Variants in ARHGAP35 observed in about 807,000 individuals in gnomAD.
ARHGAP35 encodes the protein rho GTPase-activating protein 35.
A neutral mutation model predicts 111.1 loss-of-function variants in ARHGAP35; 15 were observed. The observed-to-expected ratio is 0.13, with a 90% CI of 0.09 to 0.21. The LOEUF is 0.21. Ranked by LOEUF, ARHGAP35 falls within the 10% of genes least tolerant of loss-of-function variation. ARHGAP35 has a pLI of 1.00. For synonymous variants in ARHGAP35, 643 were observed against 710.3 expected, an observed-to-expected ratio of 0.91 and a Z score of 1.51; for missense variants, 1,262 against 1,873.0, an observed-to-expected ratio of 0.67 and a Z score of 6.02.
At chr19:46,880,326 G>A (rs1180625979) in intron 1 of ARHGAP35, among the ~76,000 whole-genome samples, 1 of 152,038 alleles carries the variant, frequency 6.6e-6, no homozygotes, top group African/African-American at 2.4e-5. Flanking sequence ...CAGCTACTCG[G>A]GAGGCTGAGG....
intron 1 of ARHGAP35, among the ~76,000 whole-genome samples, chr19:46,865,498 G>C (rs1319572231): frequency 6.6e-6 from 1 of 152,188 alleles, no homozygotes; most frequent in Non-Finnish European, 1.5e-5. Flanking sequence ...GTTGAAAGAA[G>C]TTGTCGGTGT....
chr19:46,914,313 T>C (rs1411765425), intron 1 of ARHGAP35, among the ~76,000 whole-genome samples: 1 of 152,126 alleles, frequency 6.6e-6, no homozygotes, highest in East Asian at 1.9e-4. Context: ...GGTTTAAAAA[T>C]AACAGTCGTG....
At chr19:46,916,467 A>G (rs2056164525) in intron 1 of ARHGAP35, among the ~76,000 whole-genome samples, 1 of 152,072 alleles carries the variant, frequency 6.6e-6, no homozygotes, top group Non-Finnish European at 1.5e-5. Flanking sequence ...CGAATCTGAA[A>G]GGCTGGGCTT....
Position 47,000,709 on chromosome 19 carries a change from C to T in ARHGAP35, c.*21C>T. On this transcript the variant is annotated 3_prime_UTR_variant, in exon 7 of 7. Coordinates refer to ENST00000672722, the MANE Select transcript of ARHGAP35 (RefSeq NM_004491.5). The surrounding 1 kb of genome is among the most constrained non-coding windows in gnomAD (Gnocchi z 6.9). ...TGTGAGCCACCAAGACCTGGGGCGA[C>T]AGGAGAACCGGTCCTCTCTCTGACG... is the stretch of plus-strand genomic sequence containing the variant. 1 of 1,547,042 alleles carries T rather than the reference C, an allele frequency of 6.5e-7. No individual in the cohort carries two copies. Among genetic ancestry groups the T allele is most frequent in the Non-Finnish European group, 8.7e-7 (1 of 1,145,686 alleles).
At chr19:46,885,158 CCTT>C (rs1242207030) in intron 1 of ARHGAP35, among the ~76,000 whole-genome samples, 4 of 152,156 alleles carry the variant, frequency 2.6e-5, no homozygotes, top group East Asian at 1.9e-4. Context: ...GAAAAGCGCC[CCTT>C]CTTATAGTCA....
At chr19:46,977,823 G>A (rs913150396) in intron 3 of ARHGAP35, among the ~76,000 whole-genome samples, 1 of 152,214 alleles carries the variant, frequency 6.6e-6, no homozygotes, top group Admixed American at 6.5e-5. Flanking sequence ...TATAAAATGG[G>A]AAGAAGAATG....
At position 46,926,021 on chromosome 19, in the gene ARHGAP35, G is replaced by A. The variant is rs141120306; in HGVS notation, c.3681+3665G>A. 5.9e-5 allele frequency among the ~76,000 whole-genome samples: 9 copies of A among 152,238 alleles called. No individual in the cohort carries two copies. The East Asian group carries it at 1.4e-3, about 23-fold the overall frequency. On this transcript the variant is annotated intron_variant, in intron 2 of 6. Transcript: ENST00000672722. The surrounding 1 kb of genome is among the most constrained non-coding windows in gnomAD (Gnocchi z 4.1). Reference sequence around the variant, plus strand: ...AGGGCTTGAGGGACCAACATTATCCGTCCCGTCTTTTGGAAGTTTTAACCT... The same window carrying A: ...AGGGCTTGAGGGACCAACATTATCCATCCCGTCTTTTGGAAGTTTTAACCT...
At chr19:46,887,145 G>A (rs2055996785) in intron 1 of ARHGAP35, among the ~76,000 whole-genome samples, 1 of 151,706 alleles carries the variant, frequency 6.6e-6, no homozygotes, top group Non-Finnish European at 1.5e-5. Context: ...ATCAGTTTTG[G>A]TACCTTCTAC....
intron 1 of ARHGAP35, among the ~76,000 whole-genome samples, chr19:46,868,194 A>T (rs926986676): frequency 4.6e-5 from 7 of 152,172 alleles, no homozygotes; most frequent in Non-Finnish European, 8.8e-5. Flanking sequence ...TAATCTGCAT[A>T]CTTGCTGCAT....
intron 1 of ARHGAP35, among the ~76,000 whole-genome samples, chr19:46,906,230 G>C (rs1387345562): frequency 6.6e-6 from 1 of 152,104 alleles, no homozygotes; most frequent in Non-Finnish European, 1.5e-5. Context: ...GATTGCTTGA[G>C]CCCAGGAGAT....
Position 46,919,050 on chromosome 19 carries a change from T to C in ARHGAP35, c.375T>C (p.Leu125=), listed in dbSNP as rs112108478. 13,376 of 1,613,984 alleles carry C rather than the reference T, an allele frequency of 8.3e-3. 88 individuals carry two copies. The highest frequency in any genetic ancestry group is 0.021 in the South Asian group (1,933 of 91,088). Residue 125 remains leucine (L), a synonymous_variant, in exon 2 of 7, where the codon CTT becomes CTC. Coordinates refer to ENST00000672722, the MANE Select transcript of ARHGAP35 (RefSeq NM_004491.5). The surrounding 1 kb of genome is among the most constrained non-coding windows in gnomAD (Gnocchi z 6.2). The part of the protein sequence containing the change: ...PYIKRAAATK[L]ASAEKLMYFC... ...TCAAGAGAGCTGCTGCGACCAAGCTTGCATCAGCTGAAAAACTCATGTACT... is the reference window on the plus strand; with the variant it reads ...TCAAGAGAGCTGCTGCGACCAAGCTCGCATCAGCTGAAAAACTCATGTACT...
chr19:46,955,714 G>A (rs1214874692), intron 3 of ARHGAP35, among the ~76,000 whole-genome samples: 2 of 152,002 alleles, frequency 1.3e-5, no homozygotes, highest in African/African-American at 4.8e-5. Flanking sequence ...TTGAAGGGAA[G>A]GACTTACTCA....
chr19:46,991,598 C>T (rs1231939081), intron 5 of ARHGAP35, among the ~76,000 whole-genome samples: 3 of 152,184 alleles, frequency 2.0e-5, no homozygotes, highest in Non-Finnish European at 4.4e-5. Context: ...CTGTCCCCGA[C>T]GGTACTCAGC....
intron 3 of ARHGAP35, among the ~76,000 whole-genome samples, chr19:46,959,316 A>G (rs2056462648): frequency 6.6e-6 from 1 of 151,932 alleles, no homozygotes; most frequent in Non-Finnish European, 1.5e-5. Flanking sequence ...CGGCCTCCCA[A>G]AGTGCTGGGA....
intron 3 of ARHGAP35, among the ~76,000 whole-genome samples, chr19:46,944,289 A>G (rs904358211): frequency 9.5e-5 from 14 of 147,366 alleles, no homozygotes; most frequent in South Asian, 6.5e-4. Flanking sequence ...ACAGAGTAAG[A>G]CCCTGTCTCA....
chr19:46,939,651 A>G (rs10413988), intron 3 of ARHGAP35, among the ~76,000 whole-genome samples: 96,243 of 150,614 alleles, frequency 0.64, 31,284 homozygotes, highest in Middle Eastern at 0.8. Flanking sequence ...GACCTCAAGC[A>G]ATCCACCCGC....
chr19:46,952,982 A>G (rs910927103), intron 3 of ARHGAP35, among the ~76,000 whole-genome samples: 2 of 152,134 alleles, frequency 1.3e-5, no homozygotes, highest in African/African-American at 2.4e-5. Flanking sequence ...GCCTGGCCCT[A>G]CATCACTCTT....
intron 5 of ARHGAP35, among the ~76,000 whole-genome samples, chr19:46,991,563 A>C (rs2056679401): frequency 6.6e-6 from 1 of 152,130 alleles, no homozygotes; most frequent in African/African-American, 2.4e-5. Flanking sequence ...GAGGTTTCCC[A>C]CTTCCTCTTC....
At chr19:46,959,688 C>T (rs1049706871) in intron 3 of ARHGAP35, among the ~76,000 whole-genome samples, 5 of 150,144 alleles carry the variant, frequency 3.3e-5, no homozygotes, top group Non-Finnish European at 7.4e-5. Context: ...GCGTGAGCCA[C>T]TGCACCCACC....
Sources: allele counts gnomAD v4.1 joint callset (sites outside exome capture counted in the v4.1 genomes callset), GRCh38; gene constraint gnomAD v4.1.1; non-coding constraint Gnocchi (gnomAD v3.1); transcripts MANE v1.5; gene names NCBI Gene and HGNC (gene_info 2026-07-23, HGNC 2026-07-21).